Variants in DIAPH3 observed in about 807,000 individuals in gnomAD.
The protein encoded by DIAPH3 is protein diaphanous homolog 3.
Under a neutral mutation model 144.3 loss-of-function variants are expected in DIAPH3, and 117 were observed. That is an observed-to-expected ratio of 0.81 (90% CI 0.70 to 0.95). The LOEUF (loss-of-function observed/expected upper bound fraction) is 0.95, where lower values mean the gene tolerates loss of function less well. Ranked by LOEUF, DIAPH3 falls within the 40% of genes least tolerant of loss-of-function variation. DIAPH3 has a pLI of 0.00. For missense variants in DIAPH3, 1,421 were observed against 1,412.7 expected (o/e 1.01, Z -0.09); for synonymous variants, 519 against 488.9 (o/e 1.06, Z -0.81).
At chr13:59,797,167 A>G (rs74636791) in intron 25 of DIAPH3, among the ~76,000 whole-genome samples, 8,151 of 152,176 alleles carry the variant, frequency 0.054, 310 homozygotes, top group South Asian at 0.14. Flanking sequence ...TCCTTCCCAC[A>G]CTTTCTATCC....
In DIAPH3 at chr13:59,839,323, T is replaced by TGGAC; in HGVS notation, c.2859_2862dup (p.Arg955ValfsTer12). ...AAGTTATTTAGCTATCAAAAGGATATGGACATCTTTGTCACAAACTTGTCA... is the reference window on the plus strand; with the variant it reads ...AAGTTATTTAGCTATCAAAAGGATATGGACGGACATCTTTGTCACAAACTTGTCA... On this transcript the variant is annotated frameshift_variant and splice_region_variant. Coordinates refer to ENST00000400324, the MANE Select transcript of DIAPH3 (RefSeq NM_001042517.2). LOFTEE classifies it high-confidence loss of function. 4 of 1,613,384 alleles carry TGGAC rather than the reference T, an allele frequency of 2.5e-6. No homozygotes were observed. The highest frequency in any genetic ancestry group is 3.4e-6 in the Non-Finnish European group (4 of 1,179,606).
At chr13:60,001,856 G>T (rs927590307) in intron 9 of DIAPH3, among the ~76,000 whole-genome samples, 1 of 152,130 alleles carries the variant, frequency 6.6e-6, no homozygotes, top group African/African-American at 2.4e-5. Context: ...GAAAAAAACT[G>T]ACTTACTATG....
In DIAPH3 at chr13:59,911,808, T is replaced by A; in HGVS notation, c.2294A>T (p.Glu765Val). 1 of 1,613,158 alleles carries A rather than the reference T, an allele frequency of 6.2e-7. No homozygotes were observed. The highest frequency in any genetic ancestry group is 8.5e-7 in the Non-Finnish European group (1 of 1,179,302). Residue 765 changes from glutamate to valine, a missense_variant, in exon 20 of 28, where the codon GAG (glutamate) becomes GTG (valine). Glu to Val is a moderately radical substitution (Grantham distance 121). Transcript: ENST00000400324. ...GAACTGAGACAATGAATTTAATTGC[T>A]CTTGATCAGGAAGATGCTTTATTAA... is the stretch of plus-strand genomic sequence containing the variant. ...QNLIKHLPDQEQLNSLSQFKS... is the reference protein window; with the variant it reads ...QNLIKHLPDQVQLNSLSQFKS...
chr13:60,053,469 C>T (rs1267154713), intron 4 of DIAPH3, among the ~76,000 whole-genome samples: 1 of 152,040 alleles, frequency 6.6e-6, no homozygotes, highest in African/African-American at 2.4e-5. Context: ...TACATAGATT[C>T]CTCTTATCAT....
At chr13:59,688,851 C>T (rs1165009883) in intron 27 of DIAPH3, among the ~76,000 whole-genome samples, 1 of 151,814 alleles carries the variant, frequency 6.6e-6, no homozygotes, top group Non-Finnish European at 1.5e-5. Flanking sequence ...TCAAGACAGG[C>T]CACACTCATG....
intron 23 of DIAPH3, among the ~76,000 whole-genome samples, chr13:59,834,259 T>C (rs561401422): frequency 2.6e-5 from 4 of 151,666 alleles, no homozygotes; most frequent in Admixed American, 1.3e-4. Flanking sequence ...CCAGAAAAAA[T>C]GATTCTTTTA....
intron 17 of DIAPH3, among the ~76,000 whole-genome samples, chr13:59,944,747 T>C: frequency 6.7e-6 from 1 of 150,156 alleles, no homozygotes; most frequent in East Asian, 1.9e-4. Context: ...AACTACTATG[T>C]TTAACACTAA....
chr13:59,996,606 C>T (rs866325711), intron 9 of DIAPH3, among the ~76,000 whole-genome samples: 8 of 151,870 alleles, frequency 5.3e-5, no homozygotes, highest in South Asian at 2.1e-4. Flanking sequence ...GGAAAGCGAG[C>T]GGCCAAAAAG....
At chr13:59,855,935 A>G (rs771484888) in intron 22 of DIAPH3, among the ~76,000 whole-genome samples, 17 of 152,030 alleles carry the variant, frequency 1.1e-4, no homozygotes, top group Admixed American at 2.6e-4. Flanking sequence ...GAGTAAAAGA[A>G]AAAGACAAAA....
intron 20 of DIAPH3, among the ~76,000 whole-genome samples, chr13:59,896,744 C>T (rs2046123852): frequency 6.6e-6 from 1 of 152,104 alleles, no homozygotes; most frequent in Admixed American, 6.5e-5. Context: ...TTTAAAGGCT[C>T]ATATTTCTAG....
chr13:60,046,082 T>C (rs1180542951), intron 4 of DIAPH3, among the ~76,000 whole-genome samples: 1 of 152,170 alleles, frequency 6.6e-6, no homozygotes, highest in Non-Finnish European at 1.5e-5. Flanking sequence ...CTTCAAACAT[T>C]GGAACCTCTT....
At chr13:60,004,230 A>G (rs2052716740) in intron 9 of DIAPH3, among the ~76,000 whole-genome samples, 1 of 152,214 alleles carries the variant, frequency 6.6e-6, no homozygotes, top group South Asian at 2.1e-4. Flanking sequence ...AGTTTAGCAC[A>G]TTTTAATAAT....
chr13:60,120,951 T>C (rs1162381409), intron 2 of DIAPH3, among the ~76,000 whole-genome samples: 1 of 152,216 alleles, frequency 6.6e-6, no homozygotes, highest in South Asian at 2.1e-4. Context: ...TAGCAATAGA[T>C]AATTACAGAG....
At chr13:59,767,643 CATA>C (rs1025788518) in intron 27 of DIAPH3, among the ~76,000 whole-genome samples, 14 of 151,976 alleles carry the variant, frequency 9.2e-5, no homozygotes, top group African/African-American at 3.4e-4. Context: ...TTAAAAAGAT[CATA>C]ATAATTATAG....
At chr13:60,062,914 T>C (rs2056826271) in intron 4 of DIAPH3, among the ~76,000 whole-genome samples, 1 of 152,216 alleles carries the variant, frequency 6.6e-6, no homozygotes, top group African/African-American at 2.4e-5. Context: ...CCCTCAATGT[T>C]GATGGCAGCT....
At chr13:59,703,694 G>A (rs1376100042) in intron 27 of DIAPH3, among the ~76,000 whole-genome samples, 1 of 152,032 alleles carries the variant, frequency 6.6e-6, no homozygotes, top group Non-Finnish European at 1.5e-5. Flanking sequence ...CAAAGTCCCT[G>A]TCTAGTAACT....
At chr13:60,144,420 T>C (rs745561870) in intron 1 of DIAPH3, among the ~76,000 whole-genome samples, 2 of 152,198 alleles carry the variant, frequency 1.3e-5, no homozygotes, top group Admixed American at 1.3e-4. Flanking sequence ...GTAAACAAGG[T>C]AGACACCTGT....
chr13:60,112,016 T>G lies in DIAPH3; in HGVS notation c.384A>C (p.Lys128Asn). 6.2e-7 allele frequency: 1 copy of G among 1,614,076 alleles called. No individual in the cohort carries two copies. Among genetic ancestry groups the G allele is most frequent in the Non-Finnish European group, 8.5e-7 (1 of 1,179,978 alleles). The change falls in exon 3 of 28, where the codon AAA becomes AAC. Residue 128 changes from lysine (K) to asparagine (N), a missense_variant. Coordinates refer to ENST00000400324, the MANE Select transcript of DIAPH3 (RefSeq NM_001042517.2). The stretch of plus-strand genomic sequence containing the variant: ...AAAGAATCAAAATTCTTACCATCAT[T>G]TTTTCAAAAAGTTCTAAGAGTTCAT... ...SENELLELFE[K>N]MMEDMNLNED...
chr13:59,847,489 A>T (rs1228551851), intron 22 of DIAPH3, among the ~76,000 whole-genome samples: 1 of 152,200 alleles, frequency 6.6e-6, no homozygotes, highest in Admixed American at 6.5e-5. Context: ...CTTTTAGAAG[A>T]GAAAGTGTAT....
Sources: allele counts gnomAD v4.1 joint callset (sites outside exome capture counted in the v4.1 genomes callset), GRCh38; gene constraint gnomAD v4.1.1; transcripts MANE v1.5; gene names NCBI Gene and HGNC (gene_info 2026-07-23, HGNC 2026-07-21).